Variants in ZNF609 observed in about 807,000 individuals in gnomAD.
ZNF609 encodes the protein zinc finger protein 609.
In ZNF609, 11 loss-of-function variants were observed where a neutral mutation model predicts 109.5. That is an observed-to-expected ratio of 0.10 (90% CI 0.06 to 0.17). ZNF609 has a LOEUF of 0.17. Among genes scored for constraint, ZNF609 ranks in the 10% least tolerant of loss-of-function variants. The pLI is 1.00. For synonymous variants in ZNF609, 646 were observed against 662.0 expected, an observed-to-expected ratio of 0.98 and a Z score of 0.37; for missense variants, 1,559 against 1,772.4, an observed-to-expected ratio of 0.88 and a Z score of 2.16.
At chr15:64,541,209 C>T (rs1274513610) in intron 2 of ZNF609, among the ~76,000 whole-genome samples, 1 of 151,396 alleles carries the variant, frequency 6.6e-6, no homozygotes, top group African/African-American at 2.4e-5. Flanking sequence ...CGGCGGATCA[C>T]GAGGTCAGGA....
chr15:64,666,501 T>C (rs1213779134), intron 3 of ZNF609, among the ~76,000 whole-genome samples: 1 of 152,196 alleles, frequency 6.6e-6, no homozygotes, highest in East Asian at 1.9e-4. Context: ...TTTTTTACTT[T>C]ATTGTATTTA....
intron 2 of ZNF609, among the ~76,000 whole-genome samples, chr15:64,542,242 A>G (rs535037326): frequency 5.0e-4 from 76 of 152,240 alleles, no homozygotes; most frequent in Middle Eastern, 6.8e-3. Context: ...GCCTAAAACC[A>G]CTTTTTCTCA....
At position 64,466,831 on chromosome 15, in the gene ZNF609, C is replaced by T. The variant is rs1002750835; in HGVS notation, c.-128+5993C>T. ...CCACCCCCATCTCTTATCCCACTTCCCTACCCTGAAGACTTCTCTAGCAGC... is the reference window on the plus strand; with the variant it reads ...CCACCCCCATCTCTTATCCCACTTCTCTACCCTGAAGACTTCTCTAGCAGC... On this transcript the variant is annotated intron_variant, in intron 1 of 9. Coordinates refer to ENST00000326648, the MANE Select transcript of ZNF609 (RefSeq NM_015042.2). Among the ~76,000 whole-genome samples the T allele has an allele frequency of 5.3e-5, 8 of 152,198 alleles. No homozygotes were observed. The South Asian group carries it at 1.0e-3, about 20-fold the overall frequency.
chr15:64,648,729 GACC>G (rs1896370626), intron 3 of ZNF609, among the ~76,000 whole-genome samples: 1 of 130,244 alleles, frequency 7.7e-6, no homozygotes, highest in Non-Finnish European at 1.5e-5. Context: ...AATACTGTCT[GACC>G]ACCACCACAT....
intron 2 of ZNF609, among the ~76,000 whole-genome samples, chr15:64,580,740 C>G (rs1895087350): frequency 6.6e-6 from 1 of 151,786 alleles, no homozygotes; most frequent in Non-Finnish European, 1.5e-5. Flanking sequence ...ACCTTGTTGG[C>G]CAGGCTGGTC....
At chr15:64,577,057 C>CACATAAATATATATGTAT (rs1567019119) in intron 2 of ZNF609, among the ~76,000 whole-genome samples, 1 of 35,854 alleles carries the variant, frequency 2.8e-5, no homozygotes, top group Non-Finnish European at 5.3e-5. Context: ...TAAATATATA[C>CACATAAATATATATGTAT]ATATATGTAT....
chr15:64,595,019 AAAAAG>A (rs1334154572), intron 2 of ZNF609, among the ~76,000 whole-genome samples: 8 of 148,728 alleles, frequency 5.4e-5, no homozygotes, highest in Non-Finnish European at 8.9e-5. Context: ...AAAAAAAAGA[AAAAAG>A]AAAAGAATGT....
chr15:64,556,777 C>T (rs1370476657), intron 2 of ZNF609, among the ~76,000 whole-genome samples: 4 of 152,152 alleles, frequency 2.6e-5, no homozygotes, highest in Non-Finnish European at 5.9e-5. Context: ...ACAGTTACAG[C>T]ATTACCTAGG....
intron 1 of ZNF609, among the ~76,000 whole-genome samples, chr15:64,489,807 C>T (rs928421245): frequency 2.0e-5 from 3 of 152,140 alleles, no homozygotes; most frequent in African/African-American, 7.2e-5. Context: ...GGATTACAGG[C>T]ATGAGTCACC....
rs987615215 is a variant in ZNF609 at position 64,628,117 on chromosome 15, AT to A, written c.973+5073del. Among the ~76,000 whole-genome samples, 338 of 151,246 alleles carry A rather than the reference AT, an allele frequency of 2.2e-3. 1 individual carries two copies. Among genetic ancestry groups the A allele is most frequent in the Non-Finnish European group, 3.8e-3 (257 of 67,748 alleles). On this transcript the variant is annotated intron_variant, in intron 3 of 9. Transcript: ENST00000326648. ...GCAAGACCCTATCTCTACAAAAAAA[AT>A]TTTTTTTAAATCTATGCCTTAAACC...
chr15:64,508,673 A>AG (rs1893670025), intron 2 of ZNF609, among the ~76,000 whole-genome samples: 1 of 149,536 alleles, frequency 6.7e-6, no homozygotes. Flanking sequence ...TCTAGGCTTG[A>AG]GACCCAGAAA....
chr15:64,562,524 C>T (rs1304576748), intron 2 of ZNF609, among the ~76,000 whole-genome samples: 1 of 152,152 alleles, frequency 6.6e-6, no homozygotes, highest in African/African-American at 2.4e-5. Flanking sequence ...TAATGTGACA[C>T]CCACACCGGG....
At chr15:64,609,980 C>G (rs779183970) in intron 2 of ZNF609, among the ~76,000 whole-genome samples, 79 of 151,738 alleles carry the variant, frequency 5.2e-4, no homozygotes, top group Non-Finnish European at 8.5e-4. Context: ...CCACTGCACT[C>G]CAGCCTGGGT....
chr15:64,573,346 C>CTTTTTTTTTTTTTT (rs71133442), intron 2 of ZNF609, among the ~76,000 whole-genome samples: 2 of 72,950 alleles, frequency 2.7e-5, no homozygotes, highest in Non-Finnish European at 4.9e-5. Flanking sequence ...GCCCAACTTT[C>CTTTTTTTTTTTTTT]TTTTTTTTTT....
intron 1 of ZNF609, among the ~76,000 whole-genome samples, chr15:64,478,725 C>A (rs1299185565): frequency 6.6e-6 from 1 of 152,092 alleles, no homozygotes; most frequent in African/African-American, 2.4e-5. Context: ...AAGGAAAAAT[C>A]TATTACTTTT....
intron 3 of ZNF609, chr15:64,631,548 T>C (rs1349691953): frequency 3.5e-6 from 2 of 568,482 alleles, no homozygotes; most frequent in East Asian, 7.5e-5. Context: ...TTTCTTTTTT[T>C]TTAGACGGAG....
intron 1 of ZNF609, among the ~76,000 whole-genome samples, chr15:64,495,822 CTT>C (rs749513249): frequency 9.8e-5 from 12 of 123,028 alleles, no homozygotes; most frequent in Non-Finnish European, 9.5e-5. Context: ...AACCTGTTAT[CTT>C]TTTTTTTTTT....
intron 2 of ZNF609, among the ~76,000 whole-genome samples, chr15:64,540,697 TCC>T (rs1894237484): frequency 6.6e-6 from 1 of 151,100 alleles, no homozygotes. Flanking sequence ...AGATACCGTG[TCC>T]GGCCACAGAT....
intron 1 of ZNF609, among the ~76,000 whole-genome samples, chr15:64,463,420 T>G (rs979147219): frequency 1.1e-4 from 16 of 151,160 alleles, no homozygotes; most frequent in Admixed American, 4.6e-4. Flanking sequence ...AAAAAAAATT[T>G]GGGGCCTGGA....
Sources: gnomAD v4.1 joint callset for allele counts (sites outside exome capture counted in the v4.1 genomes callset) on GRCh38, gnomAD v4.1.1 for gene constraint, MANE v1.5 for transcripts, NCBI Gene and HGNC (gene_info 2026-07-23, HGNC 2026-07-21) for gene names.